NCOA7: variants seen among roughly 807,000 people sequenced by gnomAD.
NCOA7 encodes 140 kDa estrogen receptor-associated protein.
Under a neutral mutation model 104.3 loss-of-function variants are expected in NCOA7, and 45 were observed. The observed-to-expected ratio is 0.43, with a 90% CI of 0.34 to 0.55. The LOEUF (loss-of-function observed/expected upper bound fraction) is 0.55. Ranked by LOEUF, NCOA7 falls within the 20% of genes least tolerant of loss-of-function variation. The probability of loss-of-function intolerance (pLI) is 0.02; values close to 1 mark genes in which losing one functional copy is unlikely to be tolerated. For missense variants in NCOA7, 1,041 were observed against 1,119.7 expected, an observed-to-expected ratio of 0.93 and a Z score of 1.00; for synonymous variants, 398 against 402.3, an observed-to-expected ratio of 0.99 and a Z score of 0.13.
intron 2 of NCOA7, among the ~76,000 whole-genome samples, chr6:125,823,991 A>G (rs923185640): frequency 6.6e-6 from 1 of 152,104 alleles, no homozygotes; most frequent in Non-Finnish European, 1.5e-5. Context: ...TTTTTTTATT[A>G]TGGGCCAGCA....
At chr6:125,868,544 T>C (rs1044425552) in intron 3 of NCOA7, among the ~76,000 whole-genome samples, 3 of 152,204 alleles carry the variant, frequency 2.0e-5, no homozygotes, top group Non-Finnish European at 4.4e-5. Flanking sequence ...TAAACCCAGC[T>C]CATTTTGACC....
intron 2 of NCOA7, among the ~76,000 whole-genome samples, chr6:125,833,154 T>G (rs1275858377): frequency 2.0e-5 from 3 of 152,194 alleles, no homozygotes; most frequent in Admixed American, 1.3e-4. Context: ...TCATAAATTG[T>G]AAGTGATTTG....
chr6:125,825,440 T>C (rs1258555991), intron 2 of NCOA7, among the ~76,000 whole-genome samples: 1 of 152,208 alleles, frequency 6.6e-6, no homozygotes, highest in Non-Finnish European at 1.5e-5. Flanking sequence ...ATAATTTGAG[T>C]GAAGTTATTA....
intron 10 of NCOA7, among the ~76,000 whole-genome samples, chr6:125,914,912 G>A (rs928776736): frequency 2.6e-5 from 4 of 152,270 alleles, no homozygotes; most frequent in Admixed American, 1.3e-4. Flanking sequence ...CAATGCAATA[G>A]TACTTTGATC....
intron 3 of NCOA7, among the ~76,000 whole-genome samples, chr6:125,869,006 C>T (rs1029476359): frequency 2.6e-5 from 4 of 152,194 alleles, no homozygotes; most frequent in African/African-American, 9.6e-5. Context: ...TGATAATTTT[C>T]CAAACTTCTG....
intron 2 of NCOA7, among the ~76,000 whole-genome samples, chr6:125,854,716 A>G (rs1004619427): frequency 6.6e-6 from 1 of 152,212 alleles, no homozygotes; most frequent in Admixed American, 6.5e-5. Context: ...ATTTTTAAAA[A>G]TACTCAACAT....
intron 10 of NCOA7, among the ~76,000 whole-genome samples, chr6:125,913,910 C>G (rs915723014): frequency 6.6e-6 from 1 of 152,154 alleles, no homozygotes. Flanking sequence ...GCCCTTAACG[C>G]TGAAAGGAAC....
intron 2 of NCOA7, among the ~76,000 whole-genome samples, chr6:125,833,814 T>G (rs903514416): frequency 1.1e-4 from 16 of 152,228 alleles, no homozygotes; most frequent in African/African-American, 3.9e-4. Context: ...ATCCCTGACC[T>G]CCTCTCACTC....
At chr6:125,894,649 GC>G (rs1784866866) in intron 10 of NCOA7, among the ~76,000 whole-genome samples, 2 of 152,146 alleles carry the variant, frequency 1.3e-5, no homozygotes, top group Non-Finnish European at 2.9e-5. Context: ...AAAAGCTAAA[GC>G]AGTCCTTGAC....
At chr6:125,923,954 G>A (rs1327128981) in intron 13 of NCOA7, among the ~76,000 whole-genome samples, 1 of 152,132 alleles carries the variant, frequency 6.6e-6, no homozygotes, top group Non-Finnish European at 1.5e-5. Flanking sequence ...TATTATTGTA[G>A]CTTAAGAGTT....
At chr6:125,805,087 CT>C (rs59737297) in intron 1 of NCOA7, among the ~76,000 whole-genome samples, 195 of 58,030 alleles carry the variant, frequency 3.4e-3, no homozygotes, top group Non-Finnish European at 4.3e-3. Flanking sequence ...CCCTCTTGTT[CT>C]TTTTTTTTTT....
intron 5 of NCOA7, among the ~76,000 whole-genome samples, chr6:125,879,122 TA>T (rs748210222): frequency 3.9e-5 from 6 of 152,348 alleles, no homozygotes; most frequent in Non-Finnish European, 8.8e-5. Flanking sequence ...ATAAGATAAA[TA>T]AGAGCTATAT....
chr6:125,837,126 A>G (rs1779680585), intron 2 of NCOA7, among the ~76,000 whole-genome samples: 1 of 152,240 alleles, frequency 6.6e-6, no homozygotes, highest in South Asian at 2.1e-4. Flanking sequence ...TGCTTGAGAA[A>G]TTAGCCTAAA....
At chr6:125,826,415 A>G (rs1334679596) in intron 2 of NCOA7, among the ~76,000 whole-genome samples, 1 of 152,006 alleles carries the variant, frequency 6.6e-6, no homozygotes, top group Non-Finnish European at 1.5e-5. Context: ...CAAATCCAAT[A>G]TATGTAATCT....
chr6:125,838,922 CAG>C (rs1310532398), intron 2 of NCOA7, among the ~76,000 whole-genome samples: 1 of 151,882 alleles, frequency 6.6e-6, no homozygotes, highest in African/African-American at 2.4e-5. Context: ...ATGGGGGACT[CAG>C]GGGTGGTAGG....
At chr6:125,853,351 A>G (rs774870809) in intron 2 of NCOA7, among the ~76,000 whole-genome samples, 2 of 152,234 alleles carry the variant, frequency 1.3e-5, no homozygotes, top group Non-Finnish European at 2.9e-5. Flanking sequence ...ATTGGCAAAC[A>G]GAGATAGTTT....
intron 6 of NCOA7, 76 bp downstream of exon 6, chr6:125,881,279 T>TGTGAAAAA: frequency 9.5e-7 from 1 of 1,052,682 alleles, no homozygotes. Flanking sequence ...CATGTTATTT[T>TGTGAAAAA]TCACAAGATT....
intron 10 of NCOA7, among the ~76,000 whole-genome samples, chr6:125,913,189 GA>G (rs2128687188): frequency 6.6e-6 from 1 of 152,256 alleles, no homozygotes; most frequent in East Asian, 1.9e-4. Context: ...CTGTTTTAAA[GA>G]ATTGGCTCAT....
At chr6:125,821,428 G>A (rs1045221365) in intron 2 of NCOA7, among the ~76,000 whole-genome samples, 1 of 152,088 alleles carries the variant, frequency 6.6e-6, no homozygotes, top group East Asian at 1.9e-4. Flanking sequence ...TGCCCCTTTA[G>A]TTGCAAAACG....
Sources: gnomAD v4.1 joint callset for allele counts (sites outside exome capture counted in the v4.1 genomes callset) on GRCh38, gnomAD v4.1.1 for gene constraint, MANE v1.5 for transcripts, NCBI Gene and HGNC (gene_info 2026-07-23, HGNC 2026-07-21) for gene names.